The following ENOSF1 variants were observed in gnomAD, a reference collection of about 807,000 sequenced individuals.
ENOSF1 encodes mitochondrial enolase superfamily member 1.
In ENOSF1, 73 loss-of-function variants were observed where a neutral mutation model predicts 68.2. That is an observed-to-expected ratio of 1.07 (90% CI 0.89 to 1.30). The LOEUF is 1.30. Among genes scored for constraint, ENOSF1 ranks in the 50% most tolerant of loss-of-function variants. The probability of loss-of-function intolerance (pLI) is 0.00; values close to 1 mark genes in which losing one functional copy is unlikely to be tolerated. For missense variants in ENOSF1, 589 were observed against 554.5 expected (o/e 1.06, Z -0.62); for synonymous variants, 223 against 210.4 (o/e 1.06, Z -0.52).
the ENOSF1 span, among the ~76,000 whole-genome samples, chr18:663,276 G>A: frequency 1.0e-5 from 1 of 97,010 alleles, no homozygotes; most frequent in African/African-American, 6.6e-5. Context: ...GTGATGGTGA[G>A]CATTTTTTCA....
chr18:707,991 C>A (rs917619271), intron 1 of ENOSF1, among the ~76,000 whole-genome samples: 1 of 150,094 alleles, frequency 6.7e-6, no homozygotes, highest in Non-Finnish European at 1.5e-5. Flanking sequence ...TCCCAAGTAG[C>A]TGGGATTACA....
At chr18:692,964 A>C in intron 5 of ENOSF1, 1 of 1,174,006 alleles carries the variant, frequency 8.5e-7, no homozygotes, top group East Asian at 6.0e-5. Context: ...ACTAATAACA[A>C]GGGCCTTCAT....
chr18:691,458 G>A (rs1165525304), intron 5 of ENOSF1, 182 bp from the exon 6 acceptor site: 4 of 568,968 alleles, frequency 7.0e-6, no homozygotes, highest in Non-Finnish European at 1.2e-5. Context: ...TGATCCTCCT[G>A]CCTCAGCCTC....
chr18:698,793 T>C (rs919180202), intron 2 of ENOSF1, among the ~76,000 whole-genome samples: 2 of 151,962 alleles, frequency 1.3e-5, no homozygotes, highest in Non-Finnish European at 1.5e-5. Context: ...GCTAATTTCT[T>C]GTATTTTTGG....
downstream of ENOSF1, chr18:668,945 G>A (rs2074920516): frequency 1.6e-5 from 11 of 672,198 alleles, no homozygotes; most frequent in South Asian, 2.1e-4. Context: ...GGATGCACCA[G>A]ATGTCTTGTA....
At chr18:687,378 G>A (rs2076710906) in intron 9 of ENOSF1, 1 of 152,118 alleles carries the variant, frequency 6.6e-6, no homozygotes, top group Admixed American at 6.6e-5. Context: ...GAATCACTAG[G>A]GGATCTTGTT....
At chr18:704,121 G>A (rs957476478) in intron 2 of ENOSF1, among the ~76,000 whole-genome samples, 11 of 151,962 alleles carry the variant, frequency 7.2e-5, no homozygotes, top group East Asian at 3.9e-4. Flanking sequence ...CCAGTCTCTC[G>A]TACTCCTTTA....
At chr18:677,516 G>A in intron 13 of ENOSF1, 72 bp from the exon 14 acceptor site, 1 of 1,405,606 alleles carries the variant, frequency 7.1e-7, no homozygotes, top group Non-Finnish European at 9.8e-7. Flanking sequence ...GGAACTTTCT[G>A]GTTTTTCTTA....
rs923494228 is a variant in ENOSF1 at position 672,756 on chromosome 18, A to G, written c.*1549T>C. On this transcript the variant is annotated 3_prime_UTR_variant, in exon 16 of 16. Transcript: ENST00000647584. ...CGACAGGATCATACTCCTGTAAAAT[A>G]GAACTTTGTTGATCACATCCTGTGT... is the stretch of plus-strand genomic sequence containing the variant. 4 of 1,313,424 alleles carry G rather than the reference A, an allele frequency of 3.0e-6. No homozygotes were observed. The Admixed American group carries it at 6.5e-5, about 21-fold the overall frequency. The allele number at this position is 1,313,424 out of a possible 1,614,324, so 81.4% of individuals were successfully genotyped here.
chr18:708,307 G>A (rs1276891901), intron 1 of ENOSF1, among the ~76,000 whole-genome samples: 1 of 152,128 alleles, frequency 6.6e-6, no homozygotes, highest in Non-Finnish European at 1.5e-5. Flanking sequence ...CATCAAGTAC[G>A]TGTCAGAGCT....
At position 694,299 on chromosome 18, in the gene ENOSF1, T is replaced by G; in HGVS notation, c.345A>C (p.Thr115=). The change falls in exon 4 of 16, where the codon ACA becomes ACC. Residue 115 remains threonine (T), a synonymous_variant. Coordinates refer to ENST00000647584, the MANE Select transcript of ENOSF1 (RefSeq NM_017512.7). ...GPEKGVVHLA[T]AAVLNAVWDL... ...CCCACACCGCGTTTAGGACGGCCGC[T>G]GTCGCCAGGTGCACCACGCCCTTTT... is the stretch of plus-strand genomic sequence containing the variant. 1 of 1,614,178 alleles carries G rather than the reference T, an allele frequency of 6.2e-7. No homozygotes were observed. The highest frequency in any genetic ancestry group is 8.5e-7 in the Non-Finnish European group (1 of 1,180,040).
chr18:706,363 A>C (rs2078937301), intron 2 of ENOSF1, 107 bp downstream of exon 2: 1 of 780,864 alleles, frequency 1.3e-6, no homozygotes, highest in Middle Eastern at 2.4e-4. Context: ...GATAAAAACA[A>C]GATCAGAACT....
At chr18:679,529 A>C (rs1431716567) in intron 11 of ENOSF1, among the ~76,000 whole-genome samples, 1 of 150,286 alleles carries the variant, frequency 6.7e-6, no homozygotes, top group Admixed American at 6.6e-5. Flanking sequence ...GTTGATTCCA[A>C]AATCCTCTTC....
the ENOSF1 span, among the ~76,000 whole-genome samples, chr18:665,114 T>A: frequency 2.0e-5 from 3 of 151,602 alleles, no homozygotes; most frequent in African/African-American, 4.9e-5. Context: ...TCTTTGTACC[T>A]CTGGTAGAAT....
At chr18:706,427 G>GA (rs769376405) in intron 2 of ENOSF1, 43 bp downstream of exon 2, 2 of 1,276,030 alleles carry the variant, frequency 1.6e-6, no homozygotes, top group Admixed American at 1.7e-5. Flanking sequence ...AATCTCATCT[G>GA]AAAATTAAGC....
At position 692,607 on chromosome 18, in the gene ENOSF1, AAAAG is replaced by A. The variant is rs1045440813; in HGVS notation, c.423+1271_423+1274del. 690 of 746,438 alleles carry A rather than the reference AAAAG, an allele frequency of 9.2e-4. 1 individual carries two copies. The highest frequency in any genetic ancestry group is 2.2e-3 in the African/African-American group (111 of 50,692). The allele number at this position is 746,438 out of a possible 1,614,324, so 46.2% of individuals were successfully genotyped here. On this transcript the variant is annotated intron_variant, in intron 5 of 15. Transcript: ENST00000647584. ...AAGAAAACTCCGTCTAAAAAAAAAAAAAAGAAAGAAAGAAAAAAAGAAAAAAGAA... is the reference window on the plus strand; with the variant it reads ...AAGAAAACTCCGTCTAAAAAAAAAAAAAAGAAAGAAAAAAAGAAAAAAGAA...
chr18:689,773 C>A (rs577625511), intron 8 of ENOSF1, among the ~76,000 whole-genome samples: 2 of 151,750 alleles, frequency 1.3e-5, no homozygotes, highest in East Asian at 3.9e-4. Context: ...GTCTTTTGTA[C>A]GTGAACGAGA....
chr18:709,865 TA>T (rs958233796), intron 1 of ENOSF1, among the ~76,000 whole-genome samples: 8 of 152,188 alleles, frequency 5.3e-5, no homozygotes, highest in African/African-American at 1.9e-4. Flanking sequence ...CTCACTTTGC[TA>T]AGTGCTGATG....
chr18:683,021 T>C lies in ENOSF1; in HGVS notation c.876+225A>G, dbSNP rs2076234902. On this transcript the variant is annotated intron_variant, in intron 11 of 15. Coordinates refer to ENST00000647584, the MANE Select transcript of ENOSF1 (RefSeq NM_017512.7). The stretch of plus-strand genomic sequence containing the variant: ...GGTAGCCCTTCAACTTTTAGCAGCT[T>C]ACTTTATCTAAAACAAACAGAAATA... 3 of 503,892 alleles carry C rather than the reference T, an allele frequency of 6.0e-6. No homozygotes were observed. In the East Asian group the frequency reaches 1.0e-4, roughly 17 times the overall value. The allele number at this position is 503,892 out of a possible 1,614,324, so 31.2% of individuals were successfully genotyped here.
Sources: gnomAD v4.1 joint callset for allele counts (sites outside exome capture counted in the v4.1 genomes callset) on GRCh38, gnomAD v4.1.1 for gene constraint, MANE v1.5 for transcripts, NCBI Gene and HGNC (gene_info 2026-07-23, HGNC 2026-07-21) for gene names.